Variants in ANKRD30B observed in about 807,000 individuals in gnomAD.
The protein encoded by ANKRD30B is ankyrin repeat domain-containing protein 30B.
A neutral mutation model predicts 202.2 loss-of-function variants in ANKRD30B; 144 were observed. That is an observed-to-expected ratio of 0.71 (90% CI 0.62 to 0.82). The LOEUF (loss-of-function observed/expected upper bound fraction) is 0.82, where lower values mean the gene tolerates loss of function less well. ANKRD30B is among the 40% of genes least tolerant of loss of function. The pLI is 0.00. For synonymous variants in ANKRD30B, 508 were observed against 561.3 expected (o/e 0.91, Z 1.34); for missense variants, 1,487 against 1,669.1 (o/e 0.89, Z 1.90).
At chr18:14,861,430 T>C in the ANKRD30B span, among the ~76,000 whole-genome samples, 3 of 151,342 alleles carry the variant, frequency 2.0e-5, no homozygotes, top group Non-Finnish European at 2.9e-5. Context: ...GGAAAAATAT[T>C]CATCACATAA....
intron 4 of ANKRD30B, among the ~76,000 whole-genome samples, chr18:14,755,563 C>T (rs188134217): frequency 6.6e-6 from 1 of 152,166 alleles, no homozygotes; most frequent in East Asian, 1.9e-4. Context: ...TTCCCCTCAC[C>T]CCTCAACAGT....
At chr18:14,815,542 C>T (rs1026317136) in intron 30 of ANKRD30B, among the ~76,000 whole-genome samples, 5 of 151,894 alleles carry the variant, frequency 3.3e-5, no homozygotes, top group African/African-American at 1.2e-4. Flanking sequence ...AGAGGCCTTT[C>T]ATGGGAGAAA....
At position 14,851,546 on chromosome 18, in the gene ANKRD30B, A is replaced by G; in HGVS notation, c.3602A>G (p.His1201Arg). The G allele has an allele frequency of 6.4e-7, 1 of 1,568,236 alleles. No individual in the cohort carries two copies. Among genetic ancestry groups the G allele is most frequent in the East Asian group, 2.2e-5 (1 of 44,454 alleles). ...CATGAAAGTGAAAATGATCTCTTTCATGAAAATTGCATGTTGAAAAAGGAA... is the reference window on the plus strand; with the variant it reads ...CATGAAAGTGAAAATGATCTCTTTCGTGAAAATTGCATGTTGAAAAAGGAA... The part of the protein sequence containing the change: ...HTHESENDLF[H>R]ENCMLKKEIA... The change falls in exon 42 of 44, where the codon CAT becomes CGT. Residue 1201 changes from histidine (H) to arginine (R), a missense_variant. Coordinates refer to ENST00000690538, the MANE Select transcript of ANKRD30B (RefSeq NM_001367607.2).
Position 14,772,247 on chromosome 18 carries a change from A to C in ANKRD30B, c.1329+19A>C, listed in dbSNP as rs1967049725. The C allele has an allele frequency of 4.2e-5, 61 of 1,449,668 alleles. No homozygotes were observed. In the East Asian group the frequency reaches 1.5e-3, roughly 37 times the overall value. The allele number at this position is 1,449,668 out of a possible 1,614,324, so 89.8% of individuals were successfully genotyped here. ...TACCAAGGTAAAATGTTCTTTTGTG[A>C]AGTTGATTTTCTCAGTTGCAATATA... On this transcript the variant is annotated intron_variant, in intron 9 of 43. Coordinates refer to ENST00000690538, the MANE Select transcript of ANKRD30B (RefSeq NM_001367607.2).
the ANKRD30B span, among the ~76,000 whole-genome samples, chr18:14,871,694 A>G: frequency 6.6e-6 from 1 of 151,884 alleles, no homozygotes; most frequent in Non-Finnish European, 1.5e-5. Context: ...GGAGTTTGAG[A>G]CCAGCCTGGG....
chr18:14,917,772 G>T, the ANKRD30B span, among the ~76,000 whole-genome samples: 2,007 of 152,292 alleles, frequency 0.013, 27 homozygotes, highest in Non-Finnish European at 0.02. Context: ...TTCTGCCAAG[G>T]CTCCTGCCAG....
intron 6 of ANKRD30B, among the ~76,000 whole-genome samples, chr18:14,762,804 A>AG (rs1425806631): frequency 6.6e-6 from 1 of 152,172 alleles, no homozygotes; most frequent in Non-Finnish European, 1.5e-5. Context: ...GCACATCTTT[A>AG]TTATATATTT....
Position 14,763,772 on chromosome 18 carries a change from C to T in ANKRD30B, c.907C>T (p.Pro303Ser). ...DTAESLLEKT[P>S]DEAARLVEGT... The stretch of plus-strand genomic sequence containing the variant: ...GGCTGAAAGCTTGCTGGAAAAAACA[C>T]CTGACGAGGCTGCACGCTTGGTGGA... The change falls in exon 7 of 44, where the codon CCT becomes TCT. Residue 303 changes from proline (P) to serine (S), a missense_variant. This residue lies in a region of ANKRD30B where 889 missense variants were observed against 841.4 expected (regional missense o/e 1.06). Transcript: ENST00000690538. The T allele has an allele frequency of 6.2e-7, 1 of 1,613,974 alleles. No homozygotes were observed.
At chr18:14,763,637 G>A in intron 6 of ANKRD30B, 49 bp from the exon 7 acceptor site, 1 of 1,594,638 alleles carries the variant, frequency 6.3e-7, no homozygotes, top group East Asian at 2.2e-5. Context: ...AAGTCAGGAG[G>A]ATGATATTTA....
At chr18:14,849,865 A>G (rs1971809327) in intron 40 of ANKRD30B, among the ~76,000 whole-genome samples, 1 of 151,648 alleles carries the variant, frequency 6.6e-6, no homozygotes. Flanking sequence ...ACTCTAAATG[A>G]TCTGTCCTCA....
chr18:14,867,136 G>C, the ANKRD30B span, among the ~76,000 whole-genome samples: 1 of 135,972 alleles, frequency 7.4e-6, no homozygotes, highest in African/African-American at 2.6e-5. Context: ...TTGTGGTCCG[G>C]GTGGGGGGCG....
chr18:14,869,420 T>C, the ANKRD30B span, among the ~76,000 whole-genome samples: 5 of 151,658 alleles, frequency 3.3e-5, no homozygotes, highest in Admixed American at 3.3e-4. Context: ...TCTGAAAAAT[T>C]TAGTCATTCT....
rs576118065 is a variant in ANKRD30B, at chr18:14,825,615, A to G, written c.2744-2663A>G. Among the ~76,000 whole-genome samples, 169 of 151,896 alleles carry G rather than the reference A, an allele frequency of 1.1e-3. 1 individual carries two copies. The highest frequency in any genetic ancestry group is 3.9e-3 in the African/African-American group (160 of 41,420). ...TTCAGCCAAATCATTTACTGAAGCTATGCAACCCCCCGGCCTTCCAAGAAG... is the reference window on the plus strand; with the variant it reads ...TTCAGCCAAATCATTTACTGAAGCTGTGCAACCCCCCGGCCTTCCAAGAAG... On this transcript the variant is annotated intron_variant, in intron 32 of 43. Coordinates refer to ENST00000690538, the MANE Select transcript of ANKRD30B (RefSeq NM_001367607.2).
chr18:14,910,807 A>G, the ANKRD30B span, among the ~76,000 whole-genome samples: 1 of 152,094 alleles, frequency 6.6e-6, no homozygotes, highest in Non-Finnish European at 1.5e-5. Flanking sequence ...TAGGCTTTTT[A>G]GTAATAGCCA....
At chr18:14,889,845 C>T in the ANKRD30B span, 23 of 377,166 alleles carry the variant, frequency 6.1e-5, no homozygotes, top group Non-Finnish European at 1.0e-4. Context: ...TTTTTCTTAA[C>T]GTTTGAGTAT....
the ANKRD30B span, among the ~76,000 whole-genome samples, chr18:14,864,385 C>A: frequency 6.6e-6 from 1 of 152,062 alleles, no homozygotes; most frequent in East Asian, 1.9e-4. Context: ...ACCCTGAAAT[C>A]ATATCAATTA....
chr18:14,760,739 T>C (rs1915125301), intron 6 of ANKRD30B, 121 bp downstream of exon 6: 2 of 644,656 alleles, frequency 3.1e-6, no homozygotes, highest in Non-Finnish European at 2.7e-6. Flanking sequence ...TATATACATA[T>C]ATGTGGGTGT....
chr18:14,831,198 A>AAAAAAAAAAAAC (rs1235007247), intron 33 of ANKRD30B, among the ~76,000 whole-genome samples, 185 bp from the exon 34 acceptor site: 1 of 151,054 alleles, frequency 6.6e-6, no homozygotes, highest in Non-Finnish European at 1.5e-5. Context: ...AAAAAAAAAA[A>AAAAAAAAAAAAC]AACGAAAACC....
intron 39 of ANKRD30B, among the ~76,000 whole-genome samples, chr18:14,848,066 G>T (rs2143243900): frequency 6.6e-6 from 1 of 152,208 alleles, no homozygotes; most frequent in Admixed American, 6.5e-5. Context: ...AGTCTGGTAG[G>T]TTCCACCTCA....
Sources: allele counts gnomAD v4.1 joint callset (sites outside exome capture counted in the v4.1 genomes callset), GRCh38; gene constraint gnomAD v4.1.1; regional missense constraint gnomAD v4.1.1; transcripts MANE v1.5; gene names NCBI Gene and HGNC (gene_info 2026-07-23, HGNC 2026-07-21).